RBFOX1: variants seen among roughly 807,000 people sequenced by gnomAD.
RBFOX1 encodes RNA binding protein fox-1 homolog 1.
Under a neutral mutation model 57.7 loss-of-function variants are expected in RBFOX1, and 8 were observed. The ratio of observed to expected loss-of-function variants is 0.14; its 90% CI spans 0.08 to 0.25. The LOEUF (loss-of-function observed/expected upper bound fraction) is 0.25. RBFOX1 is among the 10% of genes least tolerant of loss of function. The pLI, the probability that RBFOX1 is intolerant of heterozygous loss-of-function variation, is 1.00. For synonymous variants in RBFOX1, 326 were observed against 222.4 expected (o/e 1.47, Z -4.15); for missense variants, 611 against 548.5 (o/e 1.11, Z -1.14).
intron 3 of RBFOX1, among the ~76,000 whole-genome samples, chr16:6,657,054 TCCC>T (rs1483555369): frequency 8.9e-6 from 1 of 112,734 alleles, no homozygotes; most frequent in African/African-American, 3.6e-5. Flanking sequence ...TCTCCTCTCC[TCCC>T]CTTTCCTCTC....
chr16:5,717,033 A>C (rs1276688823), intron 3 of RBFOX1, among the ~76,000 whole-genome samples: 3 of 152,240 alleles, frequency 2.0e-5, no homozygotes, highest in East Asian at 1.9e-4. Flanking sequence ...TCTTAACTCC[A>C]GTGATTTCCC....
At chr16:5,789,172 T>C (rs1310549594) in intron 3 of RBFOX1, among the ~76,000 whole-genome samples, 2 of 152,170 alleles carry the variant, frequency 1.3e-5, no homozygotes, top group Admixed American at 6.5e-5. Flanking sequence ...ATTAAATACA[T>C]GGCAGCTGGT....
intron 3 of RBFOX1, among the ~76,000 whole-genome samples, chr16:6,813,479 A>G (rs1016277653): frequency 1.3e-5 from 2 of 152,090 alleles, no homozygotes; most frequent in Non-Finnish European, 2.9e-5. Flanking sequence ...CTTCAGAGAC[A>G]GGGCCAATGG....
intron 1 of RBFOX1, among the ~76,000 whole-genome samples, chr16:6,253,414 G>A (rs1380574060): frequency 6.6e-6 from 1 of 152,118 alleles, no homozygotes; most frequent in African/African-American, 2.4e-5. Context: ...ACCTTCATAG[G>A]TAGGCACCAT....
chr16:5,906,727 C>CTGT (rs2058466289), intron 4 of RBFOX1, among the ~76,000 whole-genome samples: 1 of 71,490 alleles, frequency 1.4e-5, no homozygotes, highest in Non-Finnish European at 2.5e-5. Context: ...ATCCTAGATT[C>CTGT]TTTTTTTTTT....
intron 3 of RBFOX1, among the ~76,000 whole-genome samples, chr16:5,657,635 T>C (rs1382697873): frequency 3.1e-5 from 2 of 65,110 alleles, no homozygotes; most frequent in Non-Finnish European, 5.7e-5. Context: ...TTTCTTTCTT[T>C]CTTTCTTTCT....
At chr16:6,579,406 T>G (rs2097499947) in intron 2 of RBFOX1, among the ~76,000 whole-genome samples, 1 of 152,062 alleles carries the variant, frequency 6.6e-6, no homozygotes, top group South Asian at 2.1e-4. Context: ...AAATCTCATC[T>G]TGAATTGTAG....
At chr16:5,665,170 C>T (rs182336192) in intron 3 of RBFOX1, among the ~76,000 whole-genome samples, 27 of 150,948 alleles carry the variant, frequency 1.8e-4, no homozygotes, top group African/African-American at 6.1e-4. Context: ...AGGCTGGCCT[C>T]GAACTCCTGG....
At chr16:6,655,453 A>C (rs979531293) in intron 3 of RBFOX1, among the ~76,000 whole-genome samples, 2 of 150,670 alleles carry the variant, frequency 1.3e-5, no homozygotes, top group African/African-American at 2.4e-5. Flanking sequence ...TCATATGAGC[A>C]ACAGCGTCCT....
chr16:5,943,887 A>C (rs905025123), intron 4 of RBFOX1, among the ~76,000 whole-genome samples: 16 of 151,846 alleles, frequency 1.1e-4, no homozygotes, highest in Non-Finnish European at 5.9e-5. Context: ...CTGTTCACCC[A>C]GCCATTCATC....
chr16:6,910,749 G>A (rs2071360258), intron 3 of RBFOX1, among the ~76,000 whole-genome samples: 1 of 152,170 alleles, frequency 6.6e-6, no homozygotes, highest in African/African-American at 2.4e-5. Context: ...GAGGAGGCCT[G>A]GGAAGATTAC....
intron 3 of RBFOX1, among the ~76,000 whole-genome samples, chr16:6,657,052 C>T (rs1485691472): frequency 8.3e-6 from 1 of 120,378 alleles, no homozygotes; most frequent in African/African-American, 3.4e-5. Context: ...CCTCTCCTCT[C>T]CTCCCCTTTC....
chr16:5,748,387 A>C (rs1761927273), intron 3 of RBFOX1, among the ~76,000 whole-genome samples: 1 of 152,318 alleles, frequency 6.6e-6, no homozygotes, highest in Non-Finnish European at 1.5e-5. Context: ...GATGTCTATT[A>C]GGTCTGCTTG....
rs143369987 is a variant in RBFOX1, at chr16:7,574,639, G to A, written c.271-5138G>A. Among the ~76,000 whole-genome samples, 792 of 152,256 alleles carry A rather than the reference G, an allele frequency of 5.2e-3. 5 individuals carry two copies. The highest frequency in any genetic ancestry group is 8.9e-3 in the Non-Finnish European group (608 of 68,022). On this transcript the variant is annotated intron_variant, in intron 5 of 15. Transcript: ENST00000550418. ...TCCTTTGCCTACTTTTATCCTAGGCGTGTTGGCAGGTGATCAGATGGGGCC... is the reference window on the plus strand; with the variant it reads ...TCCTTTGCCTACTTTTATCCTAGGCATGTTGGCAGGTGATCAGATGGGGCC...
At chr16:7,016,456 G>A (rs1322847013) in intron 3 of RBFOX1, among the ~76,000 whole-genome samples, 1 of 152,130 alleles carries the variant, frequency 6.6e-6, no homozygotes, top group Non-Finnish European at 1.5e-5. Flanking sequence ...TTTCTCACTT[G>A]TTTCGGGACG....
chr16:6,844,601 G>A (rs2093662371), intron 3 of RBFOX1, among the ~76,000 whole-genome samples: 1 of 152,002 alleles, frequency 6.6e-6, no homozygotes, highest in African/African-American at 2.4e-5. Context: ...GGGCATTTAG[G>A]TTGAGTCCTT....
intron 3 of RBFOX1, among the ~76,000 whole-genome samples, chr16:6,993,489 T>C (rs1280824433): frequency 1.3e-5 from 2 of 152,164 alleles, no homozygotes; most frequent in Non-Finnish European, 2.9e-5. Context: ...GCCATCCTGT[T>C]GCATTGAAGA....
Position 6,538,059 on chromosome 16 carries a change from C to G in RBFOX1, c.-63-116544C>G, listed in dbSNP as rs567342707. Among the ~76,000 whole-genome samples the G allele has an allele frequency of 3.8e-3, 572 of 151,424 alleles. 1 individual carries two copies. The highest frequency in any genetic ancestry group is 0.013 in the African/African-American group (548 of 41,372). On this transcript the variant is annotated intron_variant, in intron 2 of 15. Transcript: ENST00000550418. ...ATTCACATAATATAAAATACAGATA[C>G]ATAATATAAAATTATATAAATATAA... is the stretch of plus-strand genomic sequence containing the variant.
chr16:7,572,418 C>G (rs1299146310), intron 5 of RBFOX1, among the ~76,000 whole-genome samples: 3 of 152,164 alleles, frequency 2.0e-5, no homozygotes, highest in African/African-American at 7.2e-5. Flanking sequence ...AGTTTTGCCT[C>G]CCAGGAGACA....
Sources: allele counts gnomAD v4.1 joint callset (sites outside exome capture counted in the v4.1 genomes callset), GRCh38; gene constraint gnomAD v4.1.1; transcripts MANE v1.5; gene names NCBI Gene and HGNC (gene_info 2026-07-23, HGNC 2026-07-21).